Variants in PDE3A observed in about 807,000 individuals in gnomAD.
PDE3A encodes cGMP-inhibited 3',5'-cyclic phosphodiesterase 3A.
In PDE3A, 43 loss-of-function variants were observed where a neutral mutation model predicts 98.3. That is an observed-to-expected ratio of 0.44 (90% CI 0.34 to 0.56). The LOEUF is 0.56. Among genes scored for constraint, PDE3A ranks in the 20% least tolerant of loss-of-function variants. The probability of loss-of-function intolerance (pLI) is 0.01; values close to 1 mark genes in which losing one functional copy is unlikely to be tolerated. For missense variants in PDE3A, 1,427 were observed against 1,440.7 expected (o/e 0.99, Z 0.15); for synonymous variants, 663 against 567.9 (o/e 1.17, Z -2.38).
intron 2 of PDE3A, among the ~76,000 whole-genome samples, chr12:20,559,942 C>A (rs1367554725): frequency 1.3e-5 from 2 of 152,094 alleles, no homozygotes; most frequent in Non-Finnish European, 2.9e-5. Flanking sequence ...ACTCTTACAG[C>A]AATTACTGTG....
chr12:20,475,178 AGT>A (rs71442249), intron 1 of PDE3A, among the ~76,000 whole-genome samples: 5,211 of 92,338 alleles, frequency 0.056, 239 homozygotes, highest in African/African-American at 0.17. Context: ...AATGTGTGTG[AGT>A]GTGTGTGTGT....
intron 2 of PDE3A, among the ~76,000 whole-genome samples, chr12:20,611,142 T>C (rs1943839854): frequency 6.6e-6 from 1 of 151,934 alleles, no homozygotes; most frequent in Non-Finnish European, 1.5e-5. Context: ...ACATAACATG[T>C]TGTAAGCCTC....
chr12:20,474,827 T>C (rs537582133), intron 1 of PDE3A, among the ~76,000 whole-genome samples: 1 of 152,348 alleles, frequency 6.6e-6, no homozygotes, highest in Admixed American at 6.5e-5. Flanking sequence ...GGAATCTCCC[T>C]ATCTCAAAAT....
rs1943780724 is a variant in PDE3A at position 20,608,992 on chromosome 12, T to A, written c.1012-4451T>A. 2.0e-5 allele frequency among the ~76,000 whole-genome samples: 3 copies of A among 152,082 alleles called. No homozygotes were observed. The East Asian group carries it at 5.8e-4, about 29-fold the overall frequency. On this transcript the variant is annotated intron_variant, in intron 2 of 15. Transcript: ENST00000359062. ...CAACATGGCTAAAAATAAACATTAC[T>A]ATTTCAGAGGATCACACTGGATGAG...
intron 1 of PDE3A, among the ~76,000 whole-genome samples, chr12:20,413,566 T>C (rs993744615): frequency 6.6e-6 from 1 of 152,026 alleles, no homozygotes; most frequent in African/African-American, 2.4e-5. Flanking sequence ...AAAGGCAGCA[T>C]TGGTGGAACA....
At chr12:20,370,399 T>TG (rs1943448545) in intron 1 of PDE3A, 155 bp downstream of exon 1, 3 of 453,274 alleles carry the variant, frequency 6.6e-6, no homozygotes, top group East Asian at 3.4e-5. Flanking sequence ...GTTTTTTTTT[T>TG]GTTTTTTTTG....
intron 1 of PDE3A, among the ~76,000 whole-genome samples, chr12:20,542,903 CAG>C (rs1262105827): frequency 6.6e-6 from 1 of 151,946 alleles, no homozygotes; most frequent in Non-Finnish European, 1.5e-5. Context: ...TATAGGGAAA[CAG>C]AGATATTAGC....
At chr12:20,589,825 T>A (rs1279640207) in intron 2 of PDE3A, among the ~76,000 whole-genome samples, 1 of 141,264 alleles carries the variant, frequency 7.1e-6, no homozygotes, top group Non-Finnish European at 1.5e-5. Flanking sequence ...GCTGAGATCG[T>A]GCCACTGCAC....
At position 20,633,762 on chromosome 12, in the gene PDE3A, G is replaced by A. The variant is rs772974166; in HGVS notation, c.1830G>A (p.Arg610=). 2 of 1,598,832 alleles carry A rather than the reference G, an allele frequency of 1.3e-6. No individual in the cohort carries two copies. Residue 610 remains arginine, a synonymous_variant, in exon 7 of 16, where the codon CGG becomes CGA. Transcript: ENST00000359062. The part of the protein sequence containing the change: ...EPLERSGVAT[R]TPSRTDDTAQ... ...TGGAGAGAAGTGGGGTAGCCACTCG[G>A]ACACCAAGTAGAACAGGTAATTCAT... is the stretch of plus-strand genomic sequence containing the variant.
chr12:20,635,555 G>T (rs1351063054), intron 8 of PDE3A, among the ~76,000 whole-genome samples: 2 of 145,828 alleles, frequency 1.4e-5, no homozygotes, highest in Non-Finnish European at 3.0e-5. Context: ...TCCAGCCTGC[G>T]CAATAGAGGG....
intron 1 of PDE3A, among the ~76,000 whole-genome samples, chr12:20,386,120 T>TAAATATATATATAA (rs1943780143): frequency 1.3e-5 from 1 of 76,194 alleles, no homozygotes; most frequent in South Asian, 3.2e-4. Flanking sequence ...TAAATATATA[T>TAAATATATATATAA]AAATATATAT....
chr12:20,628,851 G>A (rs1944320271), intron 5 of PDE3A, among the ~76,000 whole-genome samples: 1 of 152,184 alleles, frequency 6.6e-6, no homozygotes, highest in Admixed American at 6.5e-5. Context: ...AAAACCTTTG[G>A]TATGACAACT....
chr12:20,598,326 G>T (rs939737679), intron 2 of PDE3A, among the ~76,000 whole-genome samples: 1 of 151,910 alleles, frequency 6.6e-6, no homozygotes, highest in Non-Finnish European at 1.5e-5. Flanking sequence ...GGGATTACAG[G>T]CTCCCACCAC....
At chr12:20,483,913 C>T (rs1262198194) in intron 1 of PDE3A, among the ~76,000 whole-genome samples, 1 of 152,100 alleles carries the variant, frequency 6.6e-6, no homozygotes, top group African/African-American at 2.4e-5. Flanking sequence ...TTTAACTTTC[C>T]TCATGTAAGA....
chr12:20,556,618 GTAAAATAATCAT>G (rs1318889321), intron 1 of PDE3A, 30 bp from the exon 2 acceptor site: 2 of 1,283,992 alleles, frequency 1.6e-6, no homozygotes, highest in Admixed American at 3.5e-5. Context: ...TGTTTGTCAG[GTAAAATAATCAT>G]TTAACTTATT....
At chr12:20,511,716 A>T (rs1280229245) in intron 1 of PDE3A, among the ~76,000 whole-genome samples, 2 of 152,038 alleles carry the variant, frequency 1.3e-5, no homozygotes, top group Non-Finnish European at 2.9e-5. Context: ...AGTGTGGGCT[A>T]CTCACAGTGG....
intron 1 of PDE3A, among the ~76,000 whole-genome samples, chr12:20,382,480 G>A (rs1026208855): frequency 6.6e-6 from 1 of 151,842 alleles, no homozygotes; most frequent in East Asian, 1.9e-4. Flanking sequence ...ATACCTCAAA[G>A]AAGTTTTCTT....
rs142210147 is a variant in PDE3A at position 20,629,364 on chromosome 12, C to T, written c.1541-544C>T. On this transcript the variant is annotated intron_variant, in intron 5 of 15. Transcript: ENST00000359062. ...TTTTGATCAAAGCACTCTTTCACAC[C>T]GAAAGGTCTTATTTCACTGAAACTG... Among the ~76,000 whole-genome samples the T allele has an allele frequency of 2.8e-4, 43 of 152,186 alleles. No individual in the cohort carries two copies. The East Asian group carries it at 3.1e-3, about 11-fold the overall frequency.
chr12:20,578,611 A>G (rs1942996519), intron 2 of PDE3A, among the ~76,000 whole-genome samples: 1 of 152,108 alleles, frequency 6.6e-6, no homozygotes, highest in African/African-American at 2.4e-5. Flanking sequence ...ACCTGAAGCA[A>G]TTCCAAAATC....
Sources: allele counts gnomAD v4.1 joint callset (sites outside exome capture counted in the v4.1 genomes callset), GRCh38; gene constraint gnomAD v4.1.1; transcripts MANE v1.5; gene names NCBI Gene and HGNC (gene_info 2026-07-23, HGNC 2026-07-21).